ABR: variants seen among roughly 807,000 people sequenced by gnomAD.
ABR encodes active breakpoint cluster region-related protein.
A neutral mutation model predicts 107.2 loss-of-function variants in ABR; 35 were observed. That is an observed-to-expected ratio of 0.33 (90% CI 0.25 to 0.43). The LOEUF is 0.43. ABR is among the 20% of genes least tolerant of loss of function. ABR has a pLI of 1.00. For synonymous variants in ABR, 498 were observed against 462.0 expected (o/e 1.08, Z -1.00); for missense variants, 815 against 1,115.2 (o/e 0.73, Z 3.83).
At chr17:1,061,366 C>T (rs1432098134) in intron 10 of ABR, among the ~76,000 whole-genome samples, 2 of 152,194 alleles carry the variant, frequency 1.3e-5, no homozygotes, top group Non-Finnish European at 2.9e-5. Context: ...CGAGGAAGCC[C>T]TCTGGGCAGA....
chr17:1,047,513 G>A lies in ABR; in HGVS notation c.1791+2537C>T, dbSNP rs903929778. ...CAGGCTGGTGAGATGGTTCTGCAGC[G>A]GAGGGCCAGGGCCGGGCCTTGGCAT... On this transcript the variant is annotated intron_variant, in intron 16 of 22. Coordinates refer to ENST00000302538, the MANE Select transcript of ABR (RefSeq NM_021962.5). 6.0e-4 allele frequency among the ~76,000 whole-genome samples: 92 copies of A among 152,362 alleles called. 2 individuals carry two copies. The highest frequency in any genetic ancestry group is 2.1e-3 in the African/African-American group (86 of 41,590).
chr17:1,074,871 G>A (rs1195441468), intron 6 of ABR, among the ~76,000 whole-genome samples: 6 of 152,184 alleles, frequency 3.9e-5, no homozygotes, highest in Non-Finnish European at 7.3e-5. Context: ...ACTTGAACCC[G>A]GGAGGCGGAA....
intron 1 of ABR, among the ~76,000 whole-genome samples, chr17:1,226,492 C>T (rs970581121): frequency 4.3e-5 from 6 of 138,952 alleles, no homozygotes; most frequent in South Asian, 2.3e-4. Flanking sequence ...CATGTGTATA[C>T]GTGTAGGTGT....
chr17:1,021,343 A>AGGAGCTG (rs2071611021), intron 16 of ABR, among the ~76,000 whole-genome samples: 1 of 152,148 alleles, frequency 6.6e-6, no homozygotes. Flanking sequence ...CCCACCGCCC[A>AGGAGCTG]GGAGCTGACC....
At chr17:1,123,377 G>A (rs1378933968) in intron 2 of ABR, among the ~76,000 whole-genome samples, 3 of 152,152 alleles carry the variant, frequency 2.0e-5, no homozygotes, top group Admixed American at 6.5e-5. Flanking sequence ...TGAGTCCCTC[G>A]TGAGCCACCA....
intron 2 of ABR, among the ~76,000 whole-genome samples, chr17:1,119,991 C>T (rs2039275927): frequency 6.6e-6 from 1 of 152,212 alleles, no homozygotes; most frequent in Admixed American, 6.5e-5. Flanking sequence ...AACTCCTGGG[C>T]TCAAGCGATC....
intron 16 of ABR, among the ~76,000 whole-genome samples, chr17:1,018,325 A>C (rs1482272582): frequency 6.6e-6 from 1 of 152,190 alleles, no homozygotes; most frequent in Non-Finnish European, 1.5e-5. Flanking sequence ...TACGGGCGTG[A>C]GCCACCACGC....
intron 1 of ABR, among the ~76,000 whole-genome samples, chr17:1,149,239 C>A (rs1364119323): frequency 6.6e-6 from 1 of 151,636 alleles, no homozygotes; most frequent in Non-Finnish European, 1.5e-5. Flanking sequence ...AGAATAAAAT[C>A]TAAATTTAAA....
At position 1,125,218 on chromosome 17, in the gene ABR, C is replaced by T. The variant is rs765186007; in HGVS notation, c.211G>A (p.Val71Ile). The change falls in exon 2 of 23, where the codon GTC (valine) becomes ATC (isoleucine). Residue 71 changes from valine to isoleucine, a missense_variant. Transcript: ENST00000302538. Reference sequence around the variant, plus strand: ...AGTCCCTCAGGTGGAGTCGGGGAGACGCCATCCCCCCCGCCCTGGCTGCGG... The same window carrying T: ...AGTCCCTCAGGTGGAGTCGGGGAGATGCCATCCCCCCCGCCCTGGCTGCGG... ...SARSQGGGDG[V>I]SPTPPEGLAP... The T allele has an allele frequency of 2.7e-5, 43 of 1,604,726 alleles. No homozygotes were observed. The Admixed American group carries it at 2.7e-4, about 10-fold the overall frequency.
intron 2 of ABR, among the ~76,000 whole-genome samples, chr17:1,123,167 G>A (rs915839544): frequency 1.6e-4 from 24 of 150,832 alleles, no homozygotes; most frequent in African/African-American, 4.9e-4. Flanking sequence ...CAGCAGAAAG[G>A]GCAGAAACGC....
intron 1 of ABR, among the ~76,000 whole-genome samples, chr17:1,168,704 G>A (rs753426367): frequency 1.3e-5 from 2 of 152,222 alleles, no homozygotes; most frequent in East Asian, 3.8e-4. Context: ...GGACAGACAC[G>A]GCAGGCACCC....
At chr17:1,146,424 G>A (rs2040529459) in intron 1 of ABR, among the ~76,000 whole-genome samples, 1 of 152,086 alleles carries the variant, frequency 6.6e-6, no homozygotes, top group African/African-American at 2.4e-5. Context: ...CCTGAGCTCT[G>A]GCTTCCCCAA....
intron 2 of ABR, among the ~76,000 whole-genome samples, chr17:1,113,287 T>TTTG (rs2038812463): frequency 3.6e-5 from 5 of 140,156 alleles, no homozygotes; most frequent in Middle Eastern, 3.6e-3. Context: ...GATTTTTTTT[T>TTTG]TTTTTTTTTT....
intron 22 of ABR, among the ~76,000 whole-genome samples, chr17:1,006,730 G>A (rs2070065316): frequency 6.6e-6 from 1 of 152,092 alleles, no homozygotes; most frequent in Non-Finnish European, 1.5e-5. Context: ...CTAAGGGGCT[G>A]GTCTCACCCT....
At chr17:1,113,379 T>C (rs1015016106) in intron 2 of ABR, among the ~76,000 whole-genome samples, 2 of 134,468 alleles carry the variant, frequency 1.5e-5, no homozygotes, top group Non-Finnish European at 3.1e-5. Flanking sequence ...CTCCGCCTCC[T>C]CGGTTCAACC....
chr17:1,071,292 C>T lies in ABR; in HGVS notation c.895-1202G>A, dbSNP rs1479943441. On this transcript the variant is annotated intron_variant, in intron 8 of 22. Transcript: ENST00000302538. The surrounding 1 kb of genome is among the most constrained non-coding windows in gnomAD (Gnocchi z 5.1). The stretch of plus-strand genomic sequence containing the variant: ...AGCACCAGGAGCCGCACGGAATCGG[C>T]TCTCTCTGCCCAGTGGACACTGTCC... Among the ~76,000 whole-genome samples, 1 of 152,190 alleles carries T rather than the reference C, an allele frequency of 6.6e-6. No individual in the cohort carries two copies. Among genetic ancestry groups the T allele is most frequent in the Non-Finnish European group, 1.5e-5 (1 of 68,020 alleles).
intron 16 of ABR, among the ~76,000 whole-genome samples, chr17:1,046,197 G>C (rs1205971138): frequency 3.2e-5 from 3 of 94,700 alleles, no homozygotes; most frequent in African/African-American, 8.5e-5. Context: ...GTAGAGACGG[G>C]GTTTCGCCAT....
In ABR at chr17:1,024,342, G is replaced by A. The variant is rs143450426; in HGVS notation, c.1792-11178C>T. ...CTCCAGACGCTCCCATCTGGGGCAC[G>A]CAGCCCAACCCCAACCGGCCACGGA... is the stretch of plus-strand genomic sequence containing the variant. On this transcript the variant is annotated intron_variant, in intron 16 of 22. Transcript: ENST00000302538. 4.5e-3 allele frequency among the ~76,000 whole-genome samples: 685 copies of A among 152,354 alleles called. 2 individuals are homozygous for A. The highest frequency in any genetic ancestry group is 0.016 in the African/African-American group (655 of 41,584).
chr17:1,130,165 C>T (rs890074329), intron 1 of ABR, among the ~76,000 whole-genome samples: 1 of 152,140 alleles, frequency 6.6e-6, no homozygotes, highest in African/African-American at 2.4e-5. Flanking sequence ...GACTGGTACT[C>T]GCCAGCTTCC....
Sources: allele counts gnomAD v4.1 joint callset (sites outside exome capture counted in the v4.1 genomes callset), GRCh38; gene constraint gnomAD v4.1.1; non-coding constraint Gnocchi (gnomAD v3.1); transcripts MANE v1.5; gene names NCBI Gene and HGNC (gene_info 2026-07-23, HGNC 2026-07-21).